The following APPL1 variants were observed in gnomAD, a reference collection of about 807,000 sequenced individuals.
APPL1 encodes adaptor protein, phosphotyrosine interacting with PH domain and leucine zipper 1.
A neutral mutation model predicts 106.8 loss-of-function variants in APPL1; 42 were observed. That is an observed-to-expected ratio of 0.39 (90% CI 0.31 to 0.51). The LOEUF is 0.51. APPL1 is among the 20% of genes least tolerant of loss of function. The pLI, the probability that APPL1 is intolerant of heterozygous loss-of-function variation, is 0.75. For missense variants in APPL1, 769 were observed against 858.2 expected, an observed-to-expected ratio of 0.90 and a Z score of 1.30; for synonymous variants, 263 against 281.8, an observed-to-expected ratio of 0.93 and a Z score of 0.67.
At chr3:57,255,474 GAGA>G in intron 13 of APPL1, among the ~76,000 whole-genome samples, 1 of 152,308 alleles carries the variant, frequency 6.6e-6, no homozygotes, top group East Asian at 1.9e-4. Flanking sequence ...CCCAAGGGAA[GAGA>G]AGAAGAATTT....
At chr3:57,255,773 T>A (rs2060832001) in intron 13 of APPL1, among the ~76,000 whole-genome samples, 1 of 152,174 alleles carries the variant, frequency 6.6e-6, no homozygotes, top group Admixed American at 6.5e-5. Context: ...TTTTGTAAGG[T>A]TATTTGGGAA....
At chr3:57,229,454 G>A (rs2060673730) in intron 1 of APPL1, among the ~76,000 whole-genome samples, 1 of 151,242 alleles carries the variant, frequency 6.6e-6, no homozygotes, top group South Asian at 2.1e-4. Context: ...TGCCAGATTA[G>A]TTTACAACTT....
chr3:57,245,284 G>A (rs374534132), intron 7 of APPL1, among the ~76,000 whole-genome samples: 4 of 152,248 alleles, frequency 2.6e-5, no homozygotes, highest in Admixed American at 6.5e-5. Flanking sequence ...AATATTTGTT[G>A]TCTGAATAAA....
chr3:57,262,114 T>C (rs2060869483), intron 19 of APPL1, among the ~76,000 whole-genome samples: 1 of 152,164 alleles, frequency 6.6e-6, no homozygotes, highest in Non-Finnish European at 1.5e-5. Context: ...TGGGATTATT[T>C]GATTTTTTCC....
At position 57,240,482 on chromosome 3, in the gene APPL1, A is replaced by G. The variant is rs1300759479; in HGVS notation, c.303A>G (p.Ala101=). The G allele has an allele frequency of 1.2e-6, 2 of 1,613,860 alleles. No individual in the cohort carries two copies. The highest frequency in any genetic ancestry group is 1.7e-6 in the Non-Finnish European group (2 of 1,179,830). Residue 101 remains alanine, a synonymous_variant, in exon 5 of 22, where the codon GCA becomes GCG. Coordinates refer to ENST00000288266, the MANE Select transcript of APPL1 (RefSeq NM_012096.3). ...TTTTCTAGCTTAGCTCTTGTCATGC[A>G]GTGCTTTCAACTCAACTTGCTGATG... ...KVIDELSSCH[A]VLSTQLADAM...
intron 19 of APPL1, among the ~76,000 whole-genome samples, chr3:57,264,866 T>G (rs1464939406): frequency 6.6e-6 from 1 of 151,832 alleles, no homozygotes; most frequent in Non-Finnish European, 1.5e-5. Flanking sequence ...CATTGTAATT[T>G]GAAGTCAGGT....
intron 15 of APPL1, 123 bp downstream of exon 15, chr3:57,257,551 A>G: frequency 1.2e-6 from 1 of 814,394 alleles, no homozygotes; most frequent in African/African-American, 1.7e-5. Flanking sequence ...TCTTTGTTTA[A>G]TTATGTAACA....
chr3:57,256,755 A>AT (rs1007422158), intron 13 of APPL1, among the ~76,000 whole-genome samples: 8 of 152,254 alleles, frequency 5.3e-5, no homozygotes, highest in Admixed American at 5.2e-4. Context: ...AGAAAATCAG[A>AT]TTTTTTTGCT....
chr3:57,247,863 C>T (rs2060783233), intron 9 of APPL1, among the ~76,000 whole-genome samples: 1 of 152,054 alleles, frequency 6.6e-6, no homozygotes, highest in South Asian at 2.1e-4. Flanking sequence ...GTTCAAAATG[C>T]CGAGCAGTGT....
chr3:57,261,058 C>G (rs919840906), intron 19 of APPL1, among the ~76,000 whole-genome samples: 2 of 152,058 alleles, frequency 1.3e-5, no homozygotes, highest in African/African-American at 2.4e-5. Flanking sequence ...TTCTTTCTAT[C>G]GTAATTTATG....
chr3:57,238,344 A>G, intron 4 of APPL1: 1 of 433,858 alleles, frequency 2.3e-6, no homozygotes, highest in South Asian at 4.5e-5. Flanking sequence ...AGTCCGTGCT[A>G]ACATTCAGTC....
chr3:57,251,358 T>C (rs1450876906), intron 11 of APPL1, among the ~76,000 whole-genome samples: 1 of 151,372 alleles, frequency 6.6e-6, no homozygotes, highest in African/African-American at 2.4e-5. Flanking sequence ...ATCCAGTCTC[T>C]ACTAAAAATA....
chr3:57,235,665 GT>G lies in APPL1; in HGVS notation c.153+2del. The G allele has an allele frequency of 6.2e-7, 1 of 1,605,150 alleles. No individual in the cohort carries two copies. The highest frequency in any genetic ancestry group is 8.5e-7 in the Non-Finnish European group (1 of 1,172,810). ...TATGCATCGGATTTATGATGCACAGGTAAAACACTAAGGACTAACTTGATGC... is the reference window on the plus strand; with the variant it reads ...TATGCATCGGATTTATGATGCACAGGAAAACACTAAGGACTAACTTGATGC... On this transcript the variant is annotated splice_donor_variant, in intron 2 of 21. Transcript: ENST00000288266. LOFTEE classifies it high-confidence loss of function.
intron 19 of APPL1, 91 bp downstream of exon 19, chr3:57,260,865 TTAG>T: frequency 1.6e-6 from 2 of 1,255,470 alleles, no homozygotes; most frequent in East Asian, 2.6e-5. Flanking sequence ...ACAAATTAAA[TTAG>T]TTAGTAATTA....
chr3:57,254,206 TC>T (rs1172972691), intron 13 of APPL1, among the ~76,000 whole-genome samples: 1 of 152,162 alleles, frequency 6.6e-6, no homozygotes, highest in African/African-American at 2.4e-5. Context: ...TGAGTGGTCT[TC>T]CTAGAACAAT....
intron 6 of APPL1, 101 bp downstream of exon 6, chr3:57,242,243 TTAAAAA>T (rs2060750312): frequency 1.1e-6 from 1 of 888,380 alleles, no homozygotes; most frequent in African/African-American, 1.7e-5. Context: ...AAAAAACCAA[TTAAAAA>T]TAAGTGAACA....
At chr3:57,263,862 A>G (rs1276416585) in intron 19 of APPL1, among the ~76,000 whole-genome samples, 2 of 151,770 alleles carry the variant, frequency 1.3e-5, no homozygotes, top group Admixed American at 6.6e-5. Context: ...GGGAGTGCAG[A>G]TGTCTCTTCA....
At position 57,272,146 on chromosome 3, in the gene APPL1, A is replaced by G. The variant is rs921093194; in HGVS notation, c.*2459A>G. The G allele has an allele frequency of 1.3e-5, 2 of 152,222 alleles. No individual in the cohort carries two copies. Among genetic ancestry groups the G allele is most frequent in the East Asian group, 1.9e-4 (1 of 5,194 alleles). The allele number at this position is 152,222 out of a possible 1,614,324, so 9.4% of individuals were successfully genotyped here. On this transcript the variant is annotated 3_prime_UTR_variant, in exon 22 of 22. Transcript: ENST00000288266. ...ATCAACAAAACTCCTTTTTAAAAAGAAAAGATATTAAGCCTGCCTACTTCT... is the reference window on the plus strand; with the variant it reads ...ATCAACAAAACTCCTTTTTAAAAAGGAAAGATATTAAGCCTGCCTACTTCT...
rs559857521 is a variant in APPL1 at position 57,271,810 on chromosome 3, A to G, written c.*2123A>G. The G allele has an allele frequency of 6.6e-6, 1 of 152,356 alleles. No individual in the cohort carries two copies. Among genetic ancestry groups the G allele is most frequent in the East Asian group, 1.9e-4 (1 of 5,192 alleles). 9.4% of individuals were successfully genotyped at this position (152,356 alleles called of 1,614,324 possible). A position where few individuals can be genotyped will look rare whatever the true frequency, so the allele number is the denominator to read the frequency against. On this transcript the variant is annotated 3_prime_UTR_variant, in exon 22 of 22. Transcript: ENST00000288266. ...CTACAATAATAAACCCATCATCTCC[A>G]TAGGTCAGATCGAAGTGCATTCCAA... is the stretch of plus-strand genomic sequence containing the variant.
Sources: allele counts gnomAD v4.1 joint callset (sites outside exome capture counted in the v4.1 genomes callset), GRCh38; gene constraint gnomAD v4.1.1; transcripts MANE v1.5; gene names NCBI Gene and HGNC (gene_info 2026-07-23, HGNC 2026-07-21).